The following WASF3 variants were observed in gnomAD, a reference collection of about 807,000 sequenced individuals.
WASF3 encodes the protein WASP family member 3.
Under a neutral mutation model 46.6 loss-of-function variants are expected in WASF3, and 11 were observed. The observed-to-expected ratio is 0.24, with a 90% CI of 0.15 to 0.39. The LOEUF is 0.39. Among genes scored for constraint, WASF3 ranks in the 10% least tolerant of loss-of-function variants. The pLI, the probability that WASF3 is intolerant of heterozygous loss-of-function variation, is 1.00. For synonymous variants in WASF3, 242 were observed against 259.7 expected, an observed-to-expected ratio of 0.93 and a Z score of 0.65; for missense variants, 576 against 669.8, an observed-to-expected ratio of 0.86 and a Z score of 1.55.
intron 2 of WASF3, among the ~76,000 whole-genome samples, chr13:26,616,591 A>G (rs1881140655): frequency 6.6e-6 from 1 of 151,982 alleles, no homozygotes; most frequent in Non-Finnish European, 1.5e-5. Flanking sequence ...GGGAGCCAAT[A>G]TGGGATTATT....
At chr13:26,596,910 A>G (rs1466752863) in intron 1 of WASF3, among the ~76,000 whole-genome samples, 1 of 152,100 alleles carries the variant, frequency 6.6e-6, no homozygotes, top group Non-Finnish European at 1.5e-5. Flanking sequence ...CTGAAATTGT[A>G]ATTTCCATTT....
At chr13:26,648,135 A>G (rs1882205831) in intron 3 of WASF3, among the ~76,000 whole-genome samples, 1 of 152,160 alleles carries the variant, frequency 6.6e-6, no homozygotes, top group African/African-American at 2.4e-5. Context: ...TTTTTAAAAA[A>G]GATTTCTTAT....
intron 3 of WASF3, among the ~76,000 whole-genome samples, chr13:26,652,496 A>G (rs1194679223): frequency 6.6e-6 from 1 of 152,232 alleles, no homozygotes; most frequent in African/African-American, 2.4e-5. Context: ...GGGGGTTTGA[A>G]CAATATACCA....
At chr13:26,668,107 A>T (rs934691180) in intron 5 of WASF3, among the ~76,000 whole-genome samples, 3 of 152,212 alleles carry the variant, frequency 2.0e-5, no homozygotes, top group Admixed American at 6.5e-5. Context: ...TGTATTCTGT[A>T]GTGTTAGGGG....
At chr13:26,672,019 T>C (rs1401107160) in intron 6 of WASF3, 30 bp downstream of exon 6, 5 of 1,441,468 alleles carry the variant, frequency 3.5e-6, no homozygotes, top group Non-Finnish European at 4.9e-6. Flanking sequence ...GAAATGTGCA[T>C]ATCAGTGTTC....
intron 2 of WASF3, among the ~76,000 whole-genome samples, chr13:26,629,700 G>A (rs73496312): frequency 6.6e-6 from 1 of 152,076 alleles, no homozygotes; most frequent in Non-Finnish European, 1.5e-5. Flanking sequence ...CTGCTCATGG[G>A]ACTCACTTGT....
chr13:26,547,970 T>C, the WASF3 span, among the ~76,000 whole-genome samples: 1,419 of 152,328 alleles, frequency 9.3e-3, 12 homozygotes, highest in Middle Eastern at 0.017. Flanking sequence ...TGAATGACAT[T>C]GCCTAAAATG....
Position 26,575,552 on chromosome 13 carries a change from T to G in WASF3, c.-109+17733T>G, listed in dbSNP as rs573400218. Reference sequence around the variant, plus strand: ...GGCAGAACTGAGAACATAGTTAGCCTGTGGTCCAGATGATGAACCTGGGTT... The same window carrying G: ...GGCAGAACTGAGAACATAGTTAGCCGGTGGTCCAGATGATGAACCTGGGTT... On this transcript the variant is annotated intron_variant, in intron 1 of 9. Coordinates refer to ENST00000335327, the MANE Select transcript of WASF3 (RefSeq NM_006646.6). Among the ~76,000 whole-genome samples the G allele has an allele frequency of 8.5e-4, 130 of 152,342 alleles. 1 individual carries two copies. Among genetic ancestry groups the G allele is most frequent in the African/African-American group, 3.0e-3 (126 of 41,578 alleles).
At chr13:26,645,502 T>C (rs1321370563) in intron 3 of WASF3, among the ~76,000 whole-genome samples, 3 of 152,186 alleles carry the variant, frequency 2.0e-5, no homozygotes, top group Non-Finnish European at 2.9e-5. Context: ...TATTAGTGTT[T>C]ATTCATTCAT....
intron 2 of WASF3, among the ~76,000 whole-genome samples, chr13:26,641,547 C>G (rs116451914): frequency 2.8e-4 from 42 of 152,094 alleles, no homozygotes; most frequent in African/African-American, 9.6e-4. Context: ...ATCCTCCTGA[C>G]CTACTAAAAT....
At chr13:26,661,645 G>A (rs950424636) in intron 3 of WASF3, among the ~76,000 whole-genome samples, 2 of 152,122 alleles carry the variant, frequency 1.3e-5, no homozygotes, top group Non-Finnish European at 2.9e-5. Context: ...AAGTAGAGTT[G>A]CTGGGTCATA....
intron 1 of WASF3, among the ~76,000 whole-genome samples, chr13:26,603,138 G>A (rs573920992): frequency 1.3e-5 from 2 of 152,294 alleles, no homozygotes; most frequent in South Asian, 4.2e-4. Context: ...GAAGTGTGGA[G>A]CTGCAGGTAT....
intron 7 of WASF3, among the ~76,000 whole-genome samples, chr13:26,678,955 T>TCCACTCA: frequency 6.6e-6 from 1 of 151,844 alleles, no homozygotes; most frequent in African/African-American, 2.4e-5. Context: ...CTCCCGGCCC[T>TCCACTCA]CCTCCTCCCA....
At chr13:26,563,654 CAAAAAAA>C (rs34374716) in intron 1 of WASF3, among the ~76,000 whole-genome samples, 5 of 47,030 alleles carry the variant, frequency 1.1e-4, no homozygotes, top group Admixed American at 3.1e-4. Flanking sequence ...GACTCCATCT[CAAAAAAA>C]AAAAAAAAAA....
intron 1 of WASF3, among the ~76,000 whole-genome samples, chr13:26,604,729 G>T (rs1272150587): frequency 6.6e-6 from 1 of 152,120 alleles, no homozygotes; most frequent in Non-Finnish European, 1.5e-5. Flanking sequence ...TTAAAGCAGA[G>T]AAAAATACAA....
At chr13:26,542,811 T>C in the WASF3 span, among the ~76,000 whole-genome samples, 1 of 152,212 alleles carries the variant, frequency 6.6e-6, no homozygotes, top group Non-Finnish European at 1.5e-5. Context: ...GCAGAAGCTA[T>C]TGTTGCCCTG....
intron 2 of WASF3, among the ~76,000 whole-genome samples, chr13:26,627,575 G>A (rs183507958): frequency 1.0e-3 from 156 of 152,228 alleles, no homozygotes; most frequent in Middle Eastern, 3.4e-3. Context: ...CTGGGGGGAC[G>A]TGAAATGTGG....
At chr13:26,661,524 C>T (rs1010614185) in intron 3 of WASF3, among the ~76,000 whole-genome samples, 3 of 152,204 alleles carry the variant, frequency 2.0e-5, no homozygotes, top group Admixed American at 6.5e-5. Context: ...TCATGTATTG[C>T]TGGACACTCA....
chr13:26,636,746 G>A (rs1021220442), intron 2 of WASF3, among the ~76,000 whole-genome samples: 1 of 152,162 alleles, frequency 6.6e-6, no homozygotes, highest in East Asian at 1.9e-4. Context: ...CTGCTGAAGG[G>A]TCCTTTCTTG....
Sources: allele counts gnomAD v4.1 joint callset (sites outside exome capture counted in the v4.1 genomes callset), GRCh38; gene constraint gnomAD v4.1.1; transcripts MANE v1.5; gene names NCBI Gene and HGNC (gene_info 2026-07-23, HGNC 2026-07-21).